Variants in SERPINA12 observed in about 807,000 individuals in gnomAD.
The protein encoded by SERPINA12 is serpin family A member 12.
A neutral mutation model predicts 25.9 loss-of-function variants in SERPINA12; 21 were observed. That is an observed-to-expected ratio of 0.81 (90% CI 0.58 to 1.17). The LOEUF (loss-of-function observed/expected upper bound fraction) is 1.17. Among genes scored for constraint, SERPINA12 ranks in the 50% most tolerant of loss-of-function variants. The pLI, the probability that SERPINA12 is intolerant of heterozygous loss-of-function variation, is 0.00. For missense variants in SERPINA12, 562 were observed against 508.3 expected, an observed-to-expected ratio of 1.11 and a Z score of -1.02; for synonymous variants, 220 against 196.0, an observed-to-expected ratio of 1.12 and a Z score of -1.02.
chr14:94,498,128 G>A lies in SERPINA12; in HGVS notation c.270C>T (p.Ala90=). 6.2e-7 allele frequency: 1 copy of A among 1,614,082 alleles called. No homozygotes were observed. Among genetic ancestry groups the A allele is most frequent in the Non-Finnish European group, 8.5e-7 (1 of 1,180,032 alleles). Reference sequence around the variant, plus strand: ...TGATCTCGTCCAGGGTGCTGTCCTGGGCACCCAGGCACAGCATGGAGAAAG... The same window carrying A: ...TGATCTCGTCCAGGGTGCTGTCCTGAGCACCCAGGCACAGCATGGAGAAAG... The part of the protein sequence containing the change: ...STAFSMLCLG[A]QDSTLDEIKQ... The change falls in exon 2 of 5, where the codon GCC becomes GCT. Residue 90 remains alanine (A), a synonymous_variant. Transcript: ENST00000677451.
chr14:94,516,713 C>T (rs528596770), intron 1 of SERPINA12, among the ~76,000 whole-genome samples: 1 of 152,210 alleles, frequency 6.6e-6, no homozygotes, highest in Non-Finnish European at 1.5e-5. Flanking sequence ...AAGCTTATAC[C>T]TTACAGTTTC....
chr14:94,493,129 C>T (rs1387272045), intron 3 of SERPINA12, among the ~76,000 whole-genome samples: 1 of 152,192 alleles, frequency 6.6e-6, no homozygotes, highest in Non-Finnish European at 1.5e-5. Context: ...GCCCGTCCAC[C>T]TCTGCTCTCC....
In SERPINA12 at chr14:94,487,313, A is replaced by G. The variant is rs1430524412; in HGVS notation, c.1235T>C (p.Ile412Thr). The G allele has an allele frequency of 5.0e-6, 8 of 1,613,264 alleles. No homozygotes were observed. Among genetic ancestry groups the G allele is most frequent in the Non-Finnish European group, 5.9e-6 (7 of 1,179,544 alleles). Residue 412 changes from isoleucine to threonine, a missense_variant, in exon 5 of 5, where the codon ATT (isoleucine) becomes ACT (threonine). Physicochemically the swap from Ile to Thr is moderately conservative, Grantham distance 89. Transcript: ENST00000677451. ...AGCAGGAATTCTCCTTTATTTTCCA[A>G]TAGGGTTAACAATCTTTCCCAGGAA... is the stretch of plus-strand genomic sequence containing the variant. ...VLFLGKIVNP[I>T]GK
rs757746431 is a variant in SERPINA12 at position 94,489,757 on chromosome 14, C to A, written c.916G>T (p.Val306Leu). The A allele has an allele frequency of 6.2e-7, 1 of 1,613,972 alleles. No homozygotes were observed. The highest frequency in any genetic ancestry group is 8.5e-7 in the Non-Finnish European group (1 of 1,179,906). Reference protein sequence around the residue: ...KTLLSRRVVDVSVPRLHMTGT... With the variant: ...KTLLSRRVVDLSVPRLHMTGT... ...GTCATGTGGAGTCTGGGTACAGACA[C>A]GTCTACGACCCTGGGGAATTGACAC... The change falls in exon 4 of 5, where the codon GTG becomes TTG. Residue 306 changes from valine to leucine, a missense_variant. Transcript: ENST00000677451.
chr14:94,510,211 C>T (rs889668897), upstream of SERPINA12: 1 of 985,216 alleles, frequency 1.0e-6, no homozygotes, highest in South Asian at 4.7e-5. Context: ...CCTGAGAGAG[C>T]CAAACTATTG....
intron 3 of SERPINA12, among the ~76,000 whole-genome samples, chr14:94,495,751 G>A (rs1197012815): frequency 1.3e-5 from 2 of 152,168 alleles, no homozygotes; most frequent in Non-Finnish European, 2.9e-5. Context: ...AAGGCACTAT[G>A]TATGTCCACG....
chr14:94,489,691 C>A lies in SERPINA12; in HGVS notation c.982G>T (p.Val328Phe), dbSNP rs1460601978. The change falls in exon 4 of 5, where the codon GTC becomes TTC. Residue 328 changes from valine to phenylalanine, a missense_variant. Physicochemically the swap from Val to Phe is conservative, Grantham distance 50 (BLOSUM62 -1). Transcript: ENST00000677451. ...DLKKTLSYIG[V>F]SKIFEEHGDL... Reference sequence around the variant, plus strand: ...CCATGTTCCTCAAAGATTTTGGAGACACCTATGTAGGAGAGAGTCTTCTTC... The same window carrying A: ...CCATGTTCCTCAAAGATTTTGGAGAAACCTATGTAGGAGAGAGTCTTCTTC... 1 of 1,614,142 alleles carries A rather than the reference C, an allele frequency of 6.2e-7. No homozygotes were observed. The highest frequency in any genetic ancestry group is 8.5e-7 in the Non-Finnish European group (1 of 1,180,028).
rs374624200 is a variant in SERPINA12 at position 94,498,449 on chromosome 14, A to G, written c.-33-19T>C. On this transcript the variant is annotated intron_variant, in intron 1 of 4. Coordinates refer to ENST00000677451, the MANE Select transcript of SERPINA12 (RefSeq NM_001382267.1). The stretch of plus-strand genomic sequence containing the variant: ...AGTAGACCTGAGGTCAGCAGAAAAA[A>G]AGAACATGATAACCCCATTGCCTAC... 1,597 of 1,568,460 alleles carry G rather than the reference A, an allele frequency of 1.0e-3. 2 individuals are homozygous for G. Among genetic ancestry groups the G allele is most frequent in the African/African-American group, 2.9e-3 (213 of 73,194 alleles).
In SERPINA12 at chr14:94,487,399, G is replaced by A; in HGVS notation, c.1149C>T (p.Val383=). ...AQTLPMETPL[V]VKIDKPYLLL... Reference sequence around the variant, plus strand: ...GCAGATAGGGTTTGTCTATCTTGACGACGAGTGGTGTCTCCATGGGCAGAG... The same window carrying A: ...GCAGATAGGGTTTGTCTATCTTGACAACGAGTGGTGTCTCCATGGGCAGAG... Residue 383 remains valine (V), a synonymous_variant, in exon 5 of 5, where the codon GTC becomes GTT. Transcript: ENST00000677451. 1.2e-6 allele frequency: 2 copies of A among 1,614,050 alleles called. No individual in the cohort carries two copies. Among genetic ancestry groups the A allele is most frequent in the Non-Finnish European group, 1.7e-6 (2 of 1,179,984 alleles).
chr14:94,511,702 G>C (rs1901115088), upstream of SERPINA12: 2 of 985,280 alleles, frequency 2.0e-6, no homozygotes. Context: ...CTTCCAAAGA[G>C]GCAGAACTTG....
intron 1 of SERPINA12, among the ~76,000 whole-genome samples, chr14:94,516,770 A>C (rs1901247278): frequency 6.6e-6 from 1 of 152,120 alleles, no homozygotes; most frequent in African/African-American, 2.4e-5. Context: ...CCAGGTCCTA[A>C]TTCCAAGGCT....
chr14:94,494,340 G>A (rs781526321), intron 3 of SERPINA12, among the ~76,000 whole-genome samples: 4 of 152,210 alleles, frequency 2.6e-5, no homozygotes, highest in Non-Finnish European at 5.9e-5. Context: ...GGGAACCCGT[G>A]GGTGGTAACT....
At position 94,487,400 on chromosome 14, in the gene SERPINA12, A is replaced by T; in HGVS notation, c.1148T>A (p.Val383Asp). The T allele has an allele frequency of 6.2e-7, 1 of 1,614,114 alleles. No individual in the cohort carries two copies. Among genetic ancestry groups the T allele is most frequent in the Non-Finnish European group, 8.5e-7 (1 of 1,179,984 alleles). Residue 383 changes from valine to aspartate, a missense_variant, in exon 5 of 5, where the codon GTC (valine) becomes GAC (aspartate). Transcript: ENST00000677451. ...AQTLPMETPL[V>D]VKIDKPYLLL... The stretch of plus-strand genomic sequence containing the variant: ...CAGATAGGGTTTGTCTATCTTGACG[A>T]CGAGTGGTGTCTCCATGGGCAGAGT...
exon 1 of SERPINA12, chr14:94,517,563 C>T (rs907119743): frequency 6.6e-6 from 1 of 152,152 alleles, no homozygotes; most frequent in African/African-American, 2.4e-5. Flanking sequence ...CCATATTTTC[C>T]CATATGTTGG....
intron 3 of SERPINA12, among the ~76,000 whole-genome samples, chr14:94,493,122 C>A (rs1406412881): frequency 6.6e-6 from 1 of 152,212 alleles, no homozygotes; most frequent in East Asian, 1.9e-4. Context: ...AGGGATAGCC[C>A]GTCCACCTCT....
intron 1 of SERPINA12, among the ~76,000 whole-genome samples, 106 bp downstream of exon 1, chr14:94,509,236 C>T (rs143642855): frequency 2.6e-5 from 4 of 151,488 alleles, no homozygotes; most frequent in African/African-American, 9.7e-5. Flanking sequence ...TTTGAGTGAT[C>T]ACCTTGGCCC....
At chr14:94,493,022 A>C (rs1209787714) in intron 3 of SERPINA12, among the ~76,000 whole-genome samples, 1 of 152,122 alleles carries the variant, frequency 6.6e-6, no homozygotes, top group Non-Finnish European at 1.5e-5. Flanking sequence ...GTGTCTGTTG[A>C]CTTGGTTACT....
upstream of SERPINA12, chr14:94,510,218 A>T: frequency 1.0e-6 from 1 of 985,416 alleles, no homozygotes. Context: ...GAGCCAAACT[A>T]TTGGAAGTCA....
At chr14:94,497,096 G>T (rs535406761) in intron 2 of SERPINA12, among the ~76,000 whole-genome samples, 2 of 152,288 alleles carry the variant, frequency 1.3e-5, no homozygotes, top group East Asian at 3.9e-4. Context: ...CTGGACTGAT[G>T]GGTGTTGGCC....
Sources: allele counts gnomAD v4.1 joint callset (sites outside exome capture counted in the v4.1 genomes callset), GRCh38; gene constraint gnomAD v4.1.1; transcripts MANE v1.5; gene names NCBI Gene and HGNC (gene_info 2026-07-23, HGNC 2026-07-21).